Variants in EPB41L3 observed in about 807,000 individuals in gnomAD.
The protein encoded by EPB41L3 is erythrocyte membrane protein band 4.1 like 3.
In EPB41L3, 57 loss-of-function variants were observed where a neutral mutation model predicts 127.1. The ratio of observed to expected loss-of-function variants is 0.45; its 90% CI spans 0.36 to 0.56. EPB41L3 has a LOEUF of 0.56. Ranked by LOEUF, EPB41L3 falls within the 20% of genes least tolerant of loss-of-function variation. The probability of loss-of-function intolerance (pLI) is 0.00; values close to 1 mark genes in which losing one functional copy is unlikely to be tolerated. For synonymous variants in EPB41L3, 572 were observed against 549.5 expected (o/e 1.04, Z -0.57); for missense variants, 1,273 against 1,372.2 (o/e 0.93, Z 1.14).
intron 22 of EPB41L3, chr18:5,394,301 C>T (rs182590883): frequency 7.9e-4 from 132 of 167,670 alleles, no homozygotes; most frequent in African/African-American, 3.0e-3. Flanking sequence ...CAAATTGAGC[C>T]TCTCAGAGCA....
intron 1 of EPB41L3, among the ~76,000 whole-genome samples, chr18:5,527,489 C>T (rs2093268295): frequency 6.6e-6 from 1 of 152,130 alleles, no homozygotes; most frequent in African/African-American, 2.4e-5. Context: ...ATTTACTGAG[C>T]ACCTACAGAA....
At chr18:5,445,112 T>A in intron 4 of EPB41L3, 28 bp downstream of exon 4, 5 of 1,573,400 alleles carry the variant, frequency 3.2e-6, no homozygotes, top group Non-Finnish European at 4.4e-6. Flanking sequence ...TCAAGCCATC[T>A]TATTTTGCAT....
At chr18:5,608,788 T>A (rs2094692758) in intron 3 of EPB41L3, among the ~76,000 whole-genome samples, 1 of 152,148 alleles carries the variant, frequency 6.6e-6, no homozygotes. Context: ...ACCATGTGAA[T>A]CCCAAAGGGA....
intron 1 of EPB41L3, among the ~76,000 whole-genome samples, chr18:5,499,829 G>GTGTATATA (rs563662904): frequency 1.6e-5 from 2 of 124,618 alleles, no homozygotes; most frequent in African/African-American, 6.2e-5. Context: ...CTATGTGTGT[G>GTGTATATA]TATATATATA....
intron 3 of EPB41L3, among the ~76,000 whole-genome samples, chr18:5,557,349 A>G (rs2094052241): frequency 6.6e-6 from 1 of 152,166 alleles, no homozygotes; most frequent in African/African-American, 2.4e-5. Context: ...ACAATTCAAA[A>G]AAGTTTAAAA....
At chr18:5,568,508 G>A (rs913976374) in intron 3 of EPB41L3, among the ~76,000 whole-genome samples, 6 of 150,674 alleles carry the variant, frequency 4.0e-5, no homozygotes, top group African/African-American at 1.5e-4. Context: ...AACACTAAAT[G>A]TGAAATAAGG....
intron 3 of EPB41L3, among the ~76,000 whole-genome samples, chr18:5,583,709 C>CATCAATTTTA (rs1291197952): frequency 6.6e-6 from 1 of 152,092 alleles, no homozygotes; most frequent in Non-Finnish European, 1.5e-5. Flanking sequence ...ATGGGGTAAT[C>CATCAATTTTA]ATACAGCATC....
chr18:5,547,488 A>C (rs967108849), upstream of EPB41L3, among the ~76,000 whole-genome samples: 3 of 152,076 alleles, frequency 2.0e-5, no homozygotes, highest in Non-Finnish European at 2.9e-5. Flanking sequence ...AGATTCCATG[A>C]CTCTAGCCTA....
chr18:5,399,363 A>G (rs1369882200), intron 16 of EPB41L3: 5 of 398,888 alleles, frequency 1.3e-5, no homozygotes, highest in Non-Finnish European at 1.8e-5. Context: ...TATTCTGTCT[A>G]CAATAACCCA....
At chr18:5,548,628 C>G (rs553655999), upstream of EPB41L3, among the ~76,000 whole-genome samples, 17 of 152,038 alleles carry the variant, frequency 1.1e-4, no homozygotes, top group South Asian at 3.5e-3. Context: ...TTTTTACTTT[C>G]TCCATTTCCA....
intron 1 of EPB41L3, among the ~76,000 whole-genome samples, chr18:5,624,080 G>A (rs1274691387): frequency 6.6e-6 from 1 of 152,080 alleles, no homozygotes; most frequent in Non-Finnish European, 1.5e-5. Flanking sequence ...ATAGCTCACT[G>A]CAGCCTTCAG....
At chr18:5,592,180 C>A (rs1243197159) in intron 3 of EPB41L3, among the ~76,000 whole-genome samples, 4 of 152,064 alleles carry the variant, frequency 2.6e-5, no homozygotes, top group African/African-American at 4.8e-5. Flanking sequence ...AATTTTTATT[C>A]TTTTGAGACA....
intron 2 of EPB41L3, among the ~76,000 whole-genome samples, chr18:5,488,582 G>GATAATAATAATA (rs765331687): frequency 2.4e-4 from 36 of 148,932 alleles, no homozygotes; most frequent in African/African-American, 8.5e-4. Context: ...TGATGATGAT[G>GATAATAATAATA]ATAATAATAA....
chr18:5,626,268 T>A (rs2094922591), intron 1 of EPB41L3, among the ~76,000 whole-genome samples: 1 of 152,050 alleles, frequency 6.6e-6, no homozygotes, highest in Non-Finnish European at 1.5e-5. Context: ...TGACACCAAA[T>A]CCTCCCAAAT....
intron 5 of EPB41L3, among the ~76,000 whole-genome samples, chr18:5,439,313 T>C (rs1448279276): frequency 2.0e-5 from 3 of 152,096 alleles, no homozygotes; most frequent in African/African-American, 7.2e-5. Context: ...CTTCCAAATC[T>C]CCCTGTCTCT....
intron 3 of EPB41L3, among the ~76,000 whole-genome samples, chr18:5,595,481 T>C (rs1785412): frequency 0.98 from 149,407 of 152,166 alleles, 73,402 homozygotes; most frequent in East Asian, 1. Context: ...GGAGCTCCTG[T>C]ACCTCCTCTC....
At chr18:5,611,221 A>G (rs1488400231) in intron 3 of EPB41L3, among the ~76,000 whole-genome samples, 2 of 152,386 alleles carry the variant, frequency 1.3e-5, no homozygotes, top group East Asian at 3.9e-4. Context: ...ATTATTTGTA[A>G]TAGTCAAAAG....
At chr18:5,409,832 T>C (rs1047949638) in intron 14 of EPB41L3, among the ~76,000 whole-genome samples, 1 of 152,132 alleles carries the variant, frequency 6.6e-6, no homozygotes, top group Non-Finnish European at 1.5e-5. Flanking sequence ...AGTACAGATA[T>C]TATTTTTAAA....
rs1203912524 is a variant in EPB41L3 at position 5,406,929 on chromosome 18, T to C, written c.2197A>G (p.Thr733Ala). ...KTQDDLMKHQ[T>A]NISELKRTFL... ...GTTCTTTTCAGCTCGCTAATGTTGG[T>C]TTGATGTTTCATCAGGTCATCTTGA... Residue 733 changes from threonine to alanine, a missense_variant, in exon 16 of 23, where the codon ACC becomes GCC. By Grantham distance (58) the Thr-to-Ala change is moderately conservative (BLOSUM62 0). Transcript: ENST00000341928. 6.2e-7 allele frequency: 1 copy of C among 1,614,240 alleles called. No individual in the cohort carries two copies. Among genetic ancestry groups the C allele is most frequent in the Non-Finnish European group, 8.5e-7 (1 of 1,180,028 alleles).
Sources: allele counts gnomAD v4.1 joint callset (sites outside exome capture counted in the v4.1 genomes callset), GRCh38; gene constraint gnomAD v4.1.1; transcripts MANE v1.5; gene names NCBI Gene and HGNC (gene_info 2026-07-23, HGNC 2026-07-21).